SEMA3D: variants seen among roughly 807,000 people sequenced by gnomAD.
SEMA3D encodes the protein semaphorin 3D.
A neutral mutation model predicts 100.1 loss-of-function variants in SEMA3D; 84 were observed. The ratio of observed to expected loss-of-function variants is 0.84; its 90% CI spans 0.70 to 1.01. The LOEUF (loss-of-function observed/expected upper bound fraction) is 1.01. Ranked by LOEUF, SEMA3D falls within the 50% of genes least tolerant of loss-of-function variation. The pLI is 0.00. For synonymous variants in SEMA3D, 312 were observed against 320.7 expected (o/e 0.97, Z 0.29); for missense variants, 875 against 934.1 (o/e 0.94, Z 0.82).
chr7:85,100,748 C>T (rs1486997988), intron 3 of SEMA3D, among the ~76,000 whole-genome samples: 1 of 151,702 alleles, frequency 6.6e-6, no homozygotes, highest in Non-Finnish European at 1.5e-5. Flanking sequence ...CATTTCCTTC[C>T]TTCTTTTTTT....
chr7:85,211,109 C>A, the SEMA3D span, among the ~76,000 whole-genome samples: 1 of 151,908 alleles, frequency 6.6e-6, no homozygotes, highest in African/African-American at 2.4e-5. Context: ...GTGTCTTATA[C>A]GGAGCAATTA....
the SEMA3D span, among the ~76,000 whole-genome samples, chr7:85,204,784 A>G: frequency 6.6e-6 from 1 of 151,750 alleles, no homozygotes. Flanking sequence ...CTTGCATCCT[A>G]TTTTTCCTAT....
intron 12 of SEMA3D, chr7:85,028,467 T>C (rs547167779): frequency 5.3e-6 from 2 of 377,318 alleles, no homozygotes; most frequent in East Asian, 5.8e-5. Flanking sequence ...ATCCTCACTA[T>C]GGAGGATGGA....
intron 2 of SEMA3D, among the ~76,000 whole-genome samples, chr7:85,147,546 A>AAATGAATTGCAGTAATGAAATT (rs1790251935): frequency 2.0e-5 from 3 of 152,124 alleles, no homozygotes; most frequent in Middle Eastern, 3.2e-3. Context: ...GCAATTTAAT[A>AAATGAATTGCAGTAATGAAATT]CCAGTAATGC....
rs1790065942 is a variant in SEMA3D, at chr7:85,015,236, A to G, written c.1546-20T>C. ...TTGTTGCTGCAAATCGGGCAAAACAAATGAATTAGAAGCATCTTTCAGACT... is the reference window on the plus strand; with the variant it reads ...TTGTTGCTGCAAATCGGGCAAAACAGATGAATTAGAAGCATCTTTCAGACT... On this transcript the variant is annotated intron_variant, in intron 15 of 18. Transcript: ENST00000284136. 1 of 1,599,020 alleles carries G rather than the reference A, an allele frequency of 6.3e-7. No homozygotes were observed. Among genetic ancestry groups the G allele is most frequent in the African/African-American group, 1.3e-5 (1 of 74,536 alleles).
At chr7:85,154,464 A>T (rs1339872949) in intron 1 of SEMA3D, among the ~76,000 whole-genome samples, 1 of 151,706 alleles carries the variant, frequency 6.6e-6, no homozygotes, top group Non-Finnish European at 1.5e-5. Flanking sequence ...AAATCCTACC[A>T]TGTTGTGGGG....
intron 2 of SEMA3D, among the ~76,000 whole-genome samples, chr7:85,122,343 TTTACTC>T (rs1488052934): frequency 1.3e-5 from 2 of 152,158 alleles, no homozygotes; most frequent in Non-Finnish European, 2.9e-5. Flanking sequence ...TCGCTCTTGT[TTTACTC>T]TTATAGAAAT....
chr7:85,174,998 CAGTT>C (rs200003192), intron 1 of SEMA3D, among the ~76,000 whole-genome samples: 2,900 of 152,142 alleles, frequency 0.019, 47 homozygotes, highest in Non-Finnish European at 0.026. Flanking sequence ...TGTCTGTACA[CAGTT>C]AGTAAAGGAA....
chr7:85,018,482 A>G (rs1475881493), intron 14 of SEMA3D, among the ~76,000 whole-genome samples, 189 bp from the exon 15 acceptor site: 3 of 151,924 alleles, frequency 2.0e-5, no homozygotes, highest in Non-Finnish European at 2.9e-5. Context: ...CAGAAATGAT[A>G]AAAAGTTATT....
At chr7:85,011,028 T>C (rs1430203159) in intron 17 of SEMA3D, among the ~76,000 whole-genome samples, 1 of 151,784 alleles carries the variant, frequency 6.6e-6, no homozygotes, top group Non-Finnish European at 1.5e-5. Context: ...TATGCTGGAA[T>C]ATCATTTCTC....
At chr7:85,203,208 G>T in the SEMA3D span, among the ~76,000 whole-genome samples, 1 of 152,198 alleles carries the variant, frequency 6.6e-6, no homozygotes, top group Non-Finnish European at 1.5e-5. Context: ...CCAGAAGAGT[G>T]TGGGTGTGGT....
the SEMA3D span, among the ~76,000 whole-genome samples, chr7:85,246,274 G>T: frequency 8.5e-5 from 13 of 152,158 alleles, no homozygotes; most frequent in South Asian, 2.1e-3. Flanking sequence ...AAGGCAGACT[G>T]AGTTATTCAT....
intron 2 of SEMA3D, 57 bp from the exon 3 acceptor site, chr7:85,121,988 G>A (rs748421260): frequency 1.6e-5 from 13 of 829,196 alleles, no homozygotes; most frequent in Non-Finnish European, 2.3e-5. Context: ...GACACAGGAA[G>A]AGAAAACCAA....
rs1489123345 is a variant in SEMA3D, at chr7:85,068,277, A to G, written c.503T>C (p.Ile168Thr). The change falls in exon 7 of 19, where the codon ATA (isoleucine) becomes ACA (threonine). Residue 168 changes from isoleucine to threonine, a missense_variant. By Grantham distance (89) the Ile-to-Thr change is moderately conservative (BLOSUM62 -1). Transcript: ENST00000284136. Reference sequence around the variant, plus strand: ...CAAATTATGTGTGTCTAGTTTGAATATAATATCCTGTTATGAGAAATATTA... The same window carrying G: ...CAAATTATGTGTGTCTAGTTTGAATGTAATATCCTGTTATGAGAAATATTA... ...IDLGVYKEDI[I>T]FKLDTHNLES... 3.2e-6 allele frequency: 5 copies of G among 1,559,840 alleles called. No individual in the cohort carries two copies. The South Asian group carries it at 5.6e-5, about 17-fold the overall frequency.
chr7:85,195,194 T>A, the SEMA3D span, among the ~76,000 whole-genome samples: 5 of 152,122 alleles, frequency 3.3e-5, no homozygotes, highest in African/African-American at 7.2e-5. Flanking sequence ...TGGCATCCAG[T>A]TAAAAATCCC....
intron 17 of SEMA3D, among the ~76,000 whole-genome samples, chr7:85,010,590 A>C (rs927912669): frequency 2.0e-5 from 3 of 151,820 alleles, no homozygotes; most frequent in African/African-American, 7.2e-5. Context: ...TGGGAAAGAA[A>C]GAAAATAATA....
chr7:85,151,057 T>A (rs1790366100), intron 2 of SEMA3D, among the ~76,000 whole-genome samples: 1 of 151,324 alleles, frequency 6.6e-6, no homozygotes. Flanking sequence ...GCAATATAAA[T>A]TTTAAACAGC....
rs1411796459 is a variant in SEMA3D, at chr7:85,018,294, CTGA to C, written c.1504-4_1504-2del. ...CCATGTTCAAGATGATTGATGAGTG[CTGA>C]AAATAGAAGTTAAATGTCAATAAAG... is the stretch of plus-strand genomic sequence containing the variant. On this transcript the variant is annotated splice_acceptor_variant and splice_polypyrimidine_tract_variant and intron_variant, in intron 14 of 18. Coordinates refer to ENST00000284136, the MANE Select transcript of SEMA3D (RefSeq NM_001384900.1). LOFTEE classifies it high-confidence loss of function. 1.3e-6 allele frequency: 2 copies of C among 1,581,462 alleles called. No homozygotes were observed. The highest frequency in any genetic ancestry group is 1.7e-6 in the Non-Finnish European group (2 of 1,152,160).
chr7:85,194,503 GAA>G, the SEMA3D span, among the ~76,000 whole-genome samples: 14 of 151,494 alleles, frequency 9.2e-5, no homozygotes, highest in African/African-American at 3.4e-4. Flanking sequence ...TATGCAAACA[GAA>G]AAAAAAATAG....
Sources: gnomAD v4.1 joint callset for allele counts (sites outside exome capture counted in the v4.1 genomes callset) on GRCh38, gnomAD v4.1.1 for gene constraint, MANE v1.5 for transcripts, NCBI Gene and HGNC (gene_info 2026-07-23, HGNC 2026-07-21) for gene names.